ATXN7L1: variants seen among roughly 807,000 people sequenced by gnomAD.
ATXN7L1 encodes the protein ataxin 7 like 1.
Under a neutral mutation model 70.8 loss-of-function variants are expected in ATXN7L1, and 15 were observed. The ratio of observed to expected loss-of-function variants is 0.21; its 90% CI spans 0.14 to 0.33. The LOEUF is 0.33. Ranked by LOEUF, ATXN7L1 falls within the 10% of genes least tolerant of loss-of-function variation. The pLI is 1.00. For missense variants in ATXN7L1, 975 were observed against 1,097.1 expected (o/e 0.89, Z 1.57); for synonymous variants, 440 against 445.1 (o/e 0.99, Z 0.14).
intron 5 of ATXN7L1, among the ~76,000 whole-genome samples, chr7:105,640,153 C>A (rs1350482611): frequency 6.6e-6 from 1 of 152,212 alleles, no homozygotes; most frequent in Non-Finnish European, 1.5e-5. Context: ...CACAGCCTTG[C>A]TGACCACAAA....
rs993887037 is a variant in ATXN7L1, at chr7:105,606,911, C to T, written c.*941G>A. On this transcript the variant is annotated 3_prime_UTR_variant, in exon 12 of 12. Coordinates refer to ENST00000419735, the MANE Select transcript of ATXN7L1 (RefSeq NM_020725.2). ...CCTTTAGCAGCTGTGGTCACCGTGC[C>T]TCCTCATGGAGTGGCTTTCTGGGTT... 1 of 152,216 alleles carries T rather than the reference C, an allele frequency of 6.6e-6. No individual in the cohort carries two copies. Among genetic ancestry groups the T allele is most frequent in the Non-Finnish European group, 1.5e-5 (1 of 68,076 alleles). 9.4% of individuals were successfully genotyped at this position (152,216 alleles called of 1,614,324 possible).
At chr7:105,703,742 AG>A (rs1457689830) in intron 3 of ATXN7L1, among the ~76,000 whole-genome samples, 1 of 152,152 alleles carries the variant, frequency 6.6e-6, no homozygotes, top group Non-Finnish European at 1.5e-5. Context: ...ATGGTTTATG[AG>A]GGGATGATGC....
intron 4 of ATXN7L1, among the ~76,000 whole-genome samples, chr7:105,648,458 A>C (rs765937630): frequency 6.6e-6 from 1 of 152,344 alleles, no homozygotes; most frequent in Non-Finnish European, 1.5e-5. Flanking sequence ...TACAGCTGGC[A>C]ACAGCCCCAA....
At chr7:105,873,593 T>A (rs1199390708) in intron 2 of ATXN7L1, among the ~76,000 whole-genome samples, 6 of 152,148 alleles carry the variant, frequency 3.9e-5, no homozygotes, top group African/African-American at 1.4e-4. Context: ...AGAAAGACCA[T>A]CAGGAATTGC....
At chr7:105,737,647 T>C (rs1158416398) in intron 3 of ATXN7L1, among the ~76,000 whole-genome samples, 1 of 152,002 alleles carries the variant, frequency 6.6e-6, no homozygotes, top group Non-Finnish European at 1.5e-5. Flanking sequence ...CTCTCCTCCT[T>C]GTGTCCTAAG....
intron 2 of ATXN7L1, among the ~76,000 whole-genome samples, chr7:105,826,110 G>T (rs1810831373): frequency 6.6e-6 from 1 of 152,224 alleles, no homozygotes; most frequent in South Asian, 2.1e-4. Flanking sequence ...AGTGAAAAGT[G>T]GTTGCCTCTA....
At chr7:105,826,308 T>C (rs909299840) in intron 2 of ATXN7L1, among the ~76,000 whole-genome samples, 1 of 152,184 alleles carries the variant, frequency 6.6e-6, no homozygotes, top group African/African-American at 2.4e-5. Context: ...CCAACTGTGT[T>C]TGGTTGAGCA....
intron 2 of ATXN7L1, among the ~76,000 whole-genome samples, 157 bp downstream of exon 2, chr7:105,875,655 G>C (rs1422302858): frequency 8.7e-6 from 1 of 115,016 alleles, no homozygotes; most frequent in Non-Finnish European, 1.6e-5. Context: ...TTTATACTTT[G>C]AAAGAAGTTA....
rs1794728918 is a variant in ATXN7L1, at chr7:105,620,279, CATA to C, written c.1435_1437del (p.Tyr479del). The C allele has an allele frequency of 6.4e-7, 1 of 1,551,334 alleles. No individual in the cohort carries two copies. The highest frequency in any genetic ancestry group is 1.4e-5 in the African/African-American group (1 of 73,004). On this transcript the variant is annotated inframe_deletion, in exon 9 of 12. Transcript: ENST00000419735. The stretch of plus-strand genomic sequence containing the variant: ...AAACGATCCCATCTTCTATCAAACA[CATA>C]GTACCCTCGTCCCATGAGGCGACTC...
At chr7:105,650,419 T>G (rs778612680) in intron 4 of ATXN7L1, among the ~76,000 whole-genome samples, 45 of 152,246 alleles carry the variant, frequency 3.0e-4, no homozygotes, top group Non-Finnish European at 5.6e-4. Context: ...TCTAACATTA[T>G]TCTGTGGCTG....
In ATXN7L1 at chr7:105,730,984, C is replaced by T. The variant is rs182367329; in HGVS notation, c.355+57620G>A. 1.0e-3 allele frequency among the ~76,000 whole-genome samples: 155 copies of T among 152,194 alleles called. 1 individual carries two copies. The highest frequency in any genetic ancestry group is 3.1e-3 in the African/African-American group (130 of 41,534). ...ATATATGGCAGCTCTCTGTACAGGT[C>T]GAGAATCCCTAATCAGAAAATCCAA... On this transcript the variant is annotated intron_variant, in intron 3 of 11. Coordinates refer to ENST00000419735, the MANE Select transcript of ATXN7L1 (RefSeq NM_020725.2).
intron 4 of ATXN7L1, among the ~76,000 whole-genome samples, chr7:105,655,400 A>T (rs895011577): frequency 6.6e-6 from 1 of 152,198 alleles, no homozygotes; most frequent in Admixed American, 6.5e-5. Context: ...GGGAGCCATC[A>T]AAGAGTTGTG....
At chr7:105,868,636 C>T (rs1817821722) in intron 2 of ATXN7L1, among the ~76,000 whole-genome samples, 2 of 151,742 alleles carry the variant, frequency 1.3e-5, no homozygotes, top group African/African-American at 2.4e-5. Context: ...TACTTGAATG[C>T]ACACAGAATA....
intron 3 of ATXN7L1, among the ~76,000 whole-genome samples, chr7:105,708,196 G>T (rs550989199): frequency 1.3e-5 from 2 of 152,116 alleles, no homozygotes; most frequent in African/African-American, 4.8e-5. Flanking sequence ...AGAGGCCTGC[G>T]TACTGTTCCG....
chr7:105,733,130 C>T (rs1386503661), intron 3 of ATXN7L1, among the ~76,000 whole-genome samples: 1 of 152,110 alleles, frequency 6.6e-6, no homozygotes, highest in Non-Finnish European at 1.5e-5. Context: ...AGGGGCTTTA[C>T]CTGTTTTCAT....
chr7:105,787,769 A>G (rs1274823111), intron 3 of ATXN7L1, among the ~76,000 whole-genome samples: 1 of 151,742 alleles, frequency 6.6e-6, no homozygotes, highest in Non-Finnish European at 1.5e-5. Context: ...CCTTAATGGT[A>G]AGGAGGGCAT....
At chr7:105,785,892 A>G (rs1343383651) in intron 3 of ATXN7L1, among the ~76,000 whole-genome samples, 1 of 152,232 alleles carries the variant, frequency 6.6e-6, no homozygotes, top group East Asian at 1.9e-4. Context: ...ACCCTCCAGA[A>G]CTGTGAGAAA....
chr7:105,805,396 G>A (rs1327137007), intron 2 of ATXN7L1, among the ~76,000 whole-genome samples: 1 of 152,220 alleles, frequency 6.6e-6, no homozygotes, highest in Admixed American at 6.5e-5. Flanking sequence ...AGTGGCACTT[G>A]TGCCAGTGGG....
intron 7 of ATXN7L1, among the ~76,000 whole-genome samples, chr7:105,631,200 C>T (rs751754921): frequency 1.3e-5 from 2 of 152,132 alleles, no homozygotes; most frequent in East Asian, 1.9e-4. Context: ...CTAACTGATA[C>T]AAGCATATGA....
Sources: gnomAD v4.1 joint callset for allele counts (sites outside exome capture counted in the v4.1 genomes callset) on GRCh38, gnomAD v4.1.1 for gene constraint, MANE v1.5 for transcripts, NCBI Gene and HGNC (gene_info 2026-07-23, HGNC 2026-07-21) for gene names.